DLC1: variants seen among roughly 807,000 people sequenced by gnomAD.
DLC1 encodes DLC1 Rho GTPase activating protein.
DLC1 carries 54 observed loss-of-function variants against 140.3 expected under a neutral mutation model. That is an observed-to-expected ratio of 0.38 (90% CI 0.31 to 0.48). The LOEUF (loss-of-function observed/expected upper bound fraction) is 0.48. DLC1 is among the 20% of genes least tolerant of loss of function. The probability of loss-of-function intolerance (pLI) is 0.96; values close to 1 mark genes in which losing one functional copy is unlikely to be tolerated. For synonymous variants in DLC1, 986 were observed against 728.1 expected, an observed-to-expected ratio of 1.35 and a Z score of -5.70; for missense variants, 2,536 against 1,907.0, an observed-to-expected ratio of 1.33 and a Z score of -6.14.
rs552400082 is a variant in DLC1 at position 13,600,362 on chromosome 8, A to G, written c.-126+4175T>C. ...GAAATAAGGACCTGAAGTAATTAAA[A>G]TTTCTCAGTAAGGCTGTTATTTTAG... On this transcript the variant is annotated intron_variant, in intron 1 of 1. Coordinates refer to the DLC1 transcript ENST00000631382. Among the ~76,000 whole-genome samples, 20 of 152,082 alleles carry G rather than the reference A, an allele frequency of 1.3e-4. No homozygotes were observed. The South Asian group carries it at 3.9e-3, about 30-fold the overall frequency.
chr8:13,097,461 G>A (rs1184123789), intron 10 of DLC1, among the ~76,000 whole-genome samples: 1 of 151,750 alleles, frequency 6.6e-6, no homozygotes, highest in African/African-American at 2.4e-5. Flanking sequence ...ATGGGGTTTC[G>A]CCATGTTGGC....
At chr8:13,236,289 C>T (rs1254636521) in intron 5 of DLC1, among the ~76,000 whole-genome samples, 2 of 151,990 alleles carry the variant, frequency 1.3e-5, no homozygotes, top group Admixed American at 6.6e-5. Flanking sequence ...ACTTTAACGA[C>T]TATATTTATC....
chr8:13,252,867 G>A (rs1199996180), intron 5 of DLC1, among the ~76,000 whole-genome samples: 1 of 152,104 alleles, frequency 6.6e-6, no homozygotes, highest in Non-Finnish European at 1.5e-5. Context: ...ATAGCCACAT[G>A]TCTATTAAAT....
rs578155648 is a variant in DLC1, at chr8:13,121,720, T to C, written c.1349-6063A>G. Among the ~76,000 whole-genome samples the C allele has an allele frequency of 4.4e-3, 523 of 118,428 alleles. 2 individuals are homozygous for C. The highest frequency in any genetic ancestry group is 0.022 in the African/African-American group (508 of 23,474). 77.7% of individuals were successfully genotyped at this position (118,428 alleles called of 152,430 possible). On this transcript the variant is annotated intron_variant, in intron 5 of 17. Transcript: ENST00000276297. ...TGTACCACCATGCCTGGCTAAGTTT[T>C]TATACTATTTTTTATAGAGACAGAG...
Position 13,144,911 on chromosome 8 carries a change from G to A in DLC1, c.1349-29254C>T, listed in dbSNP as rs543863488. On this transcript the variant is annotated intron_variant, in intron 5 of 17. Transcript: ENST00000276297. ...ATGTCCAGTAAACACTCAGATCCAT[G>A]AGCAAAATAACTGATTGCTATTGTT... is the stretch of plus-strand genomic sequence containing the variant. Among the ~76,000 whole-genome samples, 52 of 152,304 alleles carry A rather than the reference G, an allele frequency of 3.4e-4. No homozygotes were observed. In the South Asian group the frequency reaches 0.01, roughly 30 times the overall value.
At chr8:13,503,207 C>A (rs1801899612) in intron 1 of DLC1, among the ~76,000 whole-genome samples, 4 of 152,014 alleles carry the variant, frequency 2.6e-5, no homozygotes, top group Admixed American at 6.6e-5. Flanking sequence ...AGTTTCAGAC[C>A]AGCCTGGGTA....
At chr8:13,562,227 C>T (rs1804268886) in intron 1 of DLC1, among the ~76,000 whole-genome samples, 1 of 152,056 alleles carries the variant, frequency 6.6e-6, no homozygotes, top group South Asian at 2.1e-4. Flanking sequence ...AAGATTGATA[C>T]ATTTGATATA....
chr8:13,192,179 G>C (rs1432968175), intron 5 of DLC1, among the ~76,000 whole-genome samples: 1 of 151,870 alleles, frequency 6.6e-6, no homozygotes, highest in Non-Finnish European at 1.5e-5. Flanking sequence ...TCGAACTCCT[G>C]ACCTCAGGTG....
chr8:13,238,947 G>A (rs549326369), intron 5 of DLC1, among the ~76,000 whole-genome samples: 1 of 152,188 alleles, frequency 6.6e-6, no homozygotes, highest in Non-Finnish European at 1.5e-5. Flanking sequence ...TAGGGGGAAA[G>A]TGCACAGTCC....
At chr8:13,491,512 T>C (rs1206070820) in intron 2 of DLC1, among the ~76,000 whole-genome samples, 1 of 152,214 alleles carries the variant, frequency 6.6e-6, no homozygotes, top group Non-Finnish European at 1.5e-5. Flanking sequence ...TATACGTGAA[T>C]GGATATTCTA....
At chr8:13,390,410 CAGTGCTTTA>C (rs1324125268) in intron 4 of DLC1, among the ~76,000 whole-genome samples, 1 of 152,130 alleles carries the variant, frequency 6.6e-6, no homozygotes, top group African/African-American at 2.4e-5. Flanking sequence ...CTACTGTAAA[CAGTGCTTTA>C]AGTGCTTTAA....
intron 1 of DLC1, among the ~76,000 whole-genome samples, chr8:13,539,867 A>C (rs1332214605): frequency 6.6e-6 from 1 of 151,902 alleles, no homozygotes; most frequent in African/African-American, 2.4e-5. Flanking sequence ...CAGAAGAAAC[A>C]CTCCAGGAAG....
intron 5 of DLC1, among the ~76,000 whole-genome samples, chr8:13,130,336 A>C (rs1247704991): frequency 6.6e-6 from 1 of 152,236 alleles, no homozygotes; most frequent in Non-Finnish European, 1.5e-5. Context: ...GAGTTTAAGT[A>C]CTATATACAT....
At chr8:13,455,975 A>T (rs932447638) in intron 2 of DLC1, among the ~76,000 whole-genome samples, 1 of 152,242 alleles carries the variant, frequency 6.6e-6, no homozygotes, top group African/African-American at 2.4e-5. Context: ...ATTTGTGTTA[A>T]TTTTGTTGAT....
intron 4 of DLC1, among the ~76,000 whole-genome samples, chr8:13,372,997 A>G (rs983868543): frequency 2.6e-5 from 4 of 152,190 alleles, no homozygotes; most frequent in Non-Finnish European, 4.4e-5. Context: ...GGCTGAGCCT[A>G]AACCCAAATT....
chr8:13,132,425 G>C (rs538155114), intron 5 of DLC1, among the ~76,000 whole-genome samples: 18 of 152,016 alleles, frequency 1.2e-4, no homozygotes, highest in African/African-American at 4.3e-4. Context: ...CTTTCAGGCA[G>C]TGATGAAAAA....
intron 5 of DLC1, among the ~76,000 whole-genome samples, chr8:13,237,197 A>ATATATATATGTG (rs1554478020): frequency 1.4e-5 from 2 of 138,204 alleles, no homozygotes; most frequent in East Asian, 4.3e-4. Flanking sequence ...ATATATATAT[A>ATATATATATGTG]TGTGTGTGTG....
chr8:13,097,950 G>A (rs1286530953), intron 10 of DLC1, among the ~76,000 whole-genome samples: 3 of 150,494 alleles, frequency 2.0e-5, no homozygotes, highest in South Asian at 2.1e-4. Context: ...TTGGGAGGCC[G>A]AGGCAGGTGG....
intron 1 of DLC1, among the ~76,000 whole-genome samples, chr8:13,523,968 G>T (rs1056717859): frequency 6.6e-6 from 1 of 151,730 alleles, no homozygotes; most frequent in Non-Finnish European, 1.5e-5. Flanking sequence ...AAGTAGGAGA[G>T]AGGGGATGGG....
Sources: allele counts gnomAD v4.1 joint callset (sites outside exome capture counted in the v4.1 genomes callset), GRCh38; gene constraint gnomAD v4.1.1; transcripts MANE v1.5; gene names NCBI Gene and HGNC (gene_info 2026-07-23, HGNC 2026-07-21).